Variants in ABLIM2 observed in about 807,000 individuals in gnomAD.
ABLIM2 encodes actin-binding LIM protein 2.
In ABLIM2, 53 loss-of-function variants were observed where a neutral mutation model predicts 97.7. The ratio of observed to expected loss-of-function variants is 0.54; its 90% CI spans 0.44 to 0.68. The LOEUF (loss-of-function observed/expected upper bound fraction) is 0.68. Ranked by LOEUF, ABLIM2 falls within the 30% of genes least tolerant of loss-of-function variation. ABLIM2 has a pLI of 0.00. For missense variants in ABLIM2, 835 were observed against 867.2 expected (o/e 0.96, Z 0.47); for synonymous variants, 361 against 345.8 (o/e 1.04, Z -0.49).
rs952495092 is a variant in ABLIM2, at chr4:8,054,203, A to C, written c.807T>G (p.Thr269=). 6.2e-7 allele frequency: 1 copy of C among 1,614,068 alleles called. No homozygotes were observed. The highest frequency in any genetic ancestry group is 1.7e-5 in the Admixed American group (1 of 60,036). Residue 269 remains threonine, a synonymous_variant, in exon 8 of 21, where the codon ACT becomes ACG. Coordinates refer to ENST00000447017, the MANE Select transcript of ABLIM2 (RefSeq NM_001130083.2). The surrounding 1 kb of genome is among the most constrained non-coding windows in gnomAD (Gnocchi z 4.9). ...TGCCACCAACCTTGTTTCTGTCTTC[A>C]GTTCTGGCTGCTTGTCGACACGCCG... The part of the protein sequence containing the change: ...WHPACRQAAR[T]EDRNKETRTS...
Position 8,001,510 on chromosome 4 carries a change from C to G in ABLIM2, c.1618+6549G>C, listed in dbSNP as rs780361017. ...TCCTCGGGGTGGTGTATACCTCCAG[C>G]CACAGCATCTTCTCCTGGGCTGGGG... On this transcript the variant is annotated intron_variant, in intron 16 of 20. Coordinates refer to ENST00000447017, the MANE Select transcript of ABLIM2 (RefSeq NM_001130083.2). The surrounding 1 kb of genome is among the most constrained non-coding windows in gnomAD (Gnocchi z 4.2). Among the ~76,000 whole-genome samples the G allele has an allele frequency of 1.3e-5, 2 of 152,146 alleles. No individual in the cohort carries two copies. The highest frequency in any genetic ancestry group is 4.8e-5 in the African/African-American group (2 of 41,418).
rs1578492375 is a variant in ABLIM2 at position 8,007,976 on chromosome 4, G to A, written c.1618+83C>T. ...TTTAACAGGCAAGGCTTAGATGTAG[G>A]GGGATAGCTCTGAGTTCTGGGGCCT... On this transcript the variant is annotated intron_variant, in intron 16 of 20. Coordinates refer to ENST00000447017, the MANE Select transcript of ABLIM2 (RefSeq NM_001130083.2). The A allele has an allele frequency of 5.7e-6, 9 of 1,571,586 alleles. No homozygotes were observed. In the East Asian group the frequency reaches 1.1e-4, roughly 20 times the overall value.
In ABLIM2 at chr4:8,147,427, A is replaced by C. The variant is rs1208122830; in HGVS notation, c.10+11253T>G. 6.6e-6 allele frequency among the ~76,000 whole-genome samples: 1 copy of C among 152,184 alleles called. No homozygotes were observed. The highest frequency in any genetic ancestry group is 1.5e-5 in the Non-Finnish European group (1 of 68,036). ...CCATCTAATCGCTAAAACCTGTGACATATATGGTTAAAAGGGGAGGGGTCT... is the reference window on the plus strand; with the variant it reads ...CCATCTAATCGCTAAAACCTGTGACCTATATGGTTAAAAGGGGAGGGGTCT... On this transcript the variant is annotated intron_variant, in intron 1 of 20. Coordinates refer to ENST00000447017, the MANE Select transcript of ABLIM2 (RefSeq NM_001130083.2). This position sits in a 1 kb window ranked among gnomAD's most constrained non-coding sequence, Gnocchi z 5.3.
intron 2 of ABLIM2, among the ~76,000 whole-genome samples, chr4:8,100,016 G>A (rs1833711805): frequency 6.6e-6 from 1 of 152,228 alleles, no homozygotes; most frequent in Admixed American, 6.5e-5. Context: ...GGCAGGGCAG[G>A]TGGGGGTGAT....
At chr4:7,967,538 C>T (rs1404899176) in intron 20 of ABLIM2, among the ~76,000 whole-genome samples, 1 of 152,190 alleles carries the variant, frequency 6.6e-6, no homozygotes, top group African/African-American at 2.4e-5. Flanking sequence ...CCCGGGACTT[C>T]GTAGCCCAGG....
intron 14 of ABLIM2, among the ~76,000 whole-genome samples, chr4:8,016,736 A>G (rs1037063031): frequency 6.6e-6 from 1 of 152,190 alleles, no homozygotes; most frequent in Non-Finnish European, 1.5e-5. Flanking sequence ...CTTCTCAAGG[A>G]CCGCAGAAAC....
At chr4:8,050,764 C>T (rs190433278) in intron 8 of ABLIM2, among the ~76,000 whole-genome samples, 4 of 152,330 alleles carry the variant, frequency 2.6e-5, no homozygotes, top group African/African-American at 9.6e-5. Context: ...CCAAGGGGAC[C>T]GAGATGTGTA....
intron 1 of ABLIM2, among the ~76,000 whole-genome samples, chr4:8,141,773 T>C (rs1435577813): frequency 6.6e-6 from 1 of 152,230 alleles, no homozygotes. Flanking sequence ...CTGTGAGTTC[T>C]AAGTAAAGGA....
Position 8,033,232 on chromosome 4 carries a change from G to A in ABLIM2, c.1047+2917C>T, listed in dbSNP as rs1355723765. ...ATGTTCAGTGAGGAGCATGGAGGTG[G>A]GAGGGGCCCAGAAAGAGCACAGCCC... On this transcript the variant is annotated intron_variant, in intron 10 of 20. Transcript: ENST00000447017. The surrounding 1 kb of genome is among the most constrained non-coding windows in gnomAD (Gnocchi z 4.5). Among the ~76,000 whole-genome samples, 1 of 152,226 alleles carries A rather than the reference G, an allele frequency of 6.6e-6. No individual in the cohort carries two copies. The highest frequency in any genetic ancestry group is 1.5e-5 in the Non-Finnish European group (1 of 68,046).
intron 17 of ABLIM2, among the ~76,000 whole-genome samples, chr4:7,991,879 C>T (rs1749034651): frequency 6.6e-6 from 1 of 152,204 alleles, no homozygotes; most frequent in African/African-American, 2.4e-5. Context: ...AGATGGTGTC[C>T]TGTGGCCTTG....
intron 7 of ABLIM2, among the ~76,000 whole-genome samples, chr4:8,056,112 C>CAAAAA (rs60992903): frequency 1.5e-5 from 1 of 68,334 alleles, no homozygotes. Context: ...GACTCTGTCT[C>CAAAAA]AAAAAAAAAA....
rs553015353 is a variant in ABLIM2, at chr4:8,043,977, C to T, written c.900+1187G>A. 2.0e-5 allele frequency among the ~76,000 whole-genome samples: 3 copies of T among 152,256 alleles called. No individual in the cohort carries two copies. The East Asian group carries it at 5.8e-4, about 29-fold the overall frequency. The stretch of plus-strand genomic sequence containing the variant: ...CCGCCTAAGCTTCAGAGTGCACATC[C>T]CAAGCGCCACAGTGCCACTCACTCT... On this transcript the variant is annotated intron_variant, in intron 9 of 20. Transcript: ENST00000447017. This position sits in a 1 kb window ranked among gnomAD's most constrained non-coding sequence, Gnocchi z 4.8.
At position 8,147,633 on chromosome 4, in the gene ABLIM2, T is replaced by C. The variant is rs567428266; in HGVS notation, c.10+11047A>G. Among the ~76,000 whole-genome samples, 50 of 152,218 alleles carry C rather than the reference T, an allele frequency of 3.3e-4. No individual in the cohort carries two copies. Among genetic ancestry groups the C allele is most frequent in the African/African-American group, 5.8e-4 (24 of 41,538 alleles). On this transcript the variant is annotated intron_variant, in intron 1 of 20. Coordinates refer to ENST00000447017, the MANE Select transcript of ABLIM2 (RefSeq NM_001130083.2). This position sits in a 1 kb window ranked among gnomAD's most constrained non-coding sequence, Gnocchi z 5.3. ...AGGTTTGAAGACTCTGCCTTGAAGA[T>C]TGGAGCAACGTGGCCACAAACCTCA...
At chr4:8,154,146 T>C (rs1714275016) in intron 1 of ABLIM2, among the ~76,000 whole-genome samples, 1 of 151,586 alleles carries the variant, frequency 6.6e-6, no homozygotes, top group Non-Finnish European at 1.5e-5. Flanking sequence ...GTATTTTTAG[T>C]AGAGATGGGG....
At chr4:8,096,069 G>A (rs566847622) in intron 3 of ABLIM2, among the ~76,000 whole-genome samples, 10 of 152,248 alleles carry the variant, frequency 6.6e-5, no homozygotes, top group East Asian at 3.9e-4. Flanking sequence ...GCCTCAGGAC[G>A]ATGCCACGCT....
chr4:8,013,218 C>CTT, intron 14 of ABLIM2, among the ~76,000 whole-genome samples: 1 of 133,216 alleles, frequency 7.5e-6, no homozygotes, highest in Non-Finnish European at 1.6e-5. Context: ...AAACATTTTT[C>CTT]CTTTTTTTTT....
rs529316877 is a variant in ABLIM2, at chr4:8,095,992, C to T, written c.338+1107G>A. 4.6e-5 allele frequency among the ~76,000 whole-genome samples: 7 copies of T among 152,240 alleles called. 1 individual carries two copies. Among genetic ancestry groups the T allele is most frequent in the African/African-American group, 1.7e-4 (7 of 41,546 alleles). ...AGTTCGGCGCTCTTGCTCTGTGGTG[C>T]CCCTGCCCCTCTGGTATTCTGCCCA... On this transcript the variant is annotated intron_variant, in intron 3 of 20. Coordinates refer to ENST00000447017, the MANE Select transcript of ABLIM2 (RefSeq NM_001130083.2). The surrounding 1 kb of genome is among the most constrained non-coding windows in gnomAD (Gnocchi z 4.7).
rs567636640 is a variant in ABLIM2, at chr4:8,021,942, C to T, written c.1268-1639G>A. ...CAGGTGCCCTTGCTGGCCGTGGCAC[C>T]CTTGCTGGTCAGGTCACGCTCGTCA... is the stretch of plus-strand genomic sequence containing the variant. On this transcript the variant is annotated intron_variant, in intron 12 of 20. Transcript: ENST00000447017. The surrounding 1 kb of genome is among the most constrained non-coding windows in gnomAD (Gnocchi z 5.5). Among the ~76,000 whole-genome samples, 1 of 152,296 alleles carries T rather than the reference C, an allele frequency of 6.6e-6. No homozygotes were observed. The highest frequency in any genetic ancestry group is 6.5e-5 in the Admixed American group (1 of 15,310).
intron 1 of ABLIM2, among the ~76,000 whole-genome samples, chr4:8,126,362 C>T (rs1578367953): frequency 6.6e-6 from 1 of 151,920 alleles, no homozygotes; most frequent in African/African-American, 2.4e-5. Context: ...CTGTGTCAGG[C>T]CCCCTCCCCT....
Sources: gnomAD v4.1 joint callset for allele counts (sites outside exome capture counted in the v4.1 genomes callset) on GRCh38, gnomAD v4.1.1 for gene constraint, Gnocchi (gnomAD v3.1) non-coding constraint, MANE v1.5 for transcripts, NCBI Gene and HGNC (gene_info 2026-07-23, HGNC 2026-07-21) for gene names.